The following NRP1 variants were observed in gnomAD, a reference collection of about 807,000 sequenced individuals.
NRP1 encodes the protein neuropilin 1.
NRP1 carries 35 observed loss-of-function variants against 106.7 expected under a neutral mutation model. The observed-to-expected ratio is 0.33, with a 90% CI of 0.25 to 0.43. NRP1 has a LOEUF of 0.43. Among genes scored for constraint, NRP1 ranks in the 20% least tolerant of loss-of-function variants. The pLI is 1.00. For synonymous variants in NRP1, 437 were observed against 417.9 expected (o/e 1.05, Z -0.56); for missense variants, 1,024 against 1,170.4 (o/e 0.87, Z 1.83).
chr10:33,323,616 C>T (rs1251541708), intron 2 of NRP1, among the ~76,000 whole-genome samples: 1 of 152,088 alleles, frequency 6.6e-6, no homozygotes, highest in Non-Finnish European at 1.5e-5. Context: ...ACCCTCCTCT[C>T]AAGGTGCAAC....
intron 16 of NRP1, 50 bp downstream of exon 16, chr10:33,182,648 T>A (rs180978025): frequency 2.3e-5 from 29 of 1,281,764 alleles, no homozygotes; most frequent in Non-Finnish European, 3.1e-5. Flanking sequence ...ATAAACACAA[T>A]GAAAGCCATA....
At chr10:33,257,778 C>T (rs1842298378) in intron 4 of NRP1, among the ~76,000 whole-genome samples, 1 of 152,122 alleles carries the variant, frequency 6.6e-6, no homozygotes, top group Non-Finnish European at 1.5e-5. Context: ...TCTCCATTTC[C>T]CTGTCCTGAT....
chr10:33,206,532 T>G (rs906913193), intron 10 of NRP1, among the ~76,000 whole-genome samples: 4 of 151,982 alleles, frequency 2.6e-5, no homozygotes, highest in Admixed American at 6.6e-5. Context: ...TTATGGTATT[T>G]AATGTGCTCA....
At chr10:33,263,603 C>G in intron 4 of NRP1, 43 bp downstream of exon 4, 11 of 1,477,674 alleles carry the variant, frequency 7.4e-6, no homozygotes, top group Non-Finnish European at 9.4e-6. Flanking sequence ...GGTGCCCTTC[C>G]TCCAGAACCT....
chr10:33,299,795 T>A (rs886128844), intron 2 of NRP1, among the ~76,000 whole-genome samples: 1 of 152,094 alleles, frequency 6.6e-6, no homozygotes, highest in South Asian at 2.1e-4. Context: ...CTAAAAAAAA[T>A]AAACCAATTG....
chr10:33,222,535 A>ATTTATTTATTTATTTATTTT lies in NRP1; in HGVS notation c.1138-673_1138-672insAAAATAAATAAATAAATAAA, dbSNP rs1213013370. On this transcript the variant is annotated intron_variant, in intron 7 of 16. Coordinates refer to ENST00000374867, the MANE Select transcript of NRP1 (RefSeq NM_003873.7). ...TATTTATTTATTTATTTATTTATTT[A>ATTTATTTATTTATTTATTTT]TTTAAGATGGAGTCTCGCTCTGTTA... 3.3e-4 allele frequency among the ~76,000 whole-genome samples: 40 copies of ATTTATTTATTTATTTATTTT among 120,240 alleles called. 1 individual carries two copies. Among genetic ancestry groups the ATTTATTTATTTATTTATTTT allele is most frequent in the Non-Finnish European group, 5.4e-4 (30 of 55,064 alleles). 78.9% of individuals were successfully genotyped at this position (120,240 alleles called of 152,430 possible). A position where few individuals can be genotyped will look rare whatever the true frequency, so the allele number is the denominator to read the frequency against.
chr10:33,259,039 C>A (rs1842397055), intron 4 of NRP1, among the ~76,000 whole-genome samples: 1 of 152,168 alleles, frequency 6.6e-6, no homozygotes, highest in Non-Finnish European at 1.5e-5. Flanking sequence ...CTGACCTCCC[C>A]CAGAATACAA....
chr10:33,294,262 C>T (rs1204180197), intron 2 of NRP1, among the ~76,000 whole-genome samples: 1 of 152,186 alleles, frequency 6.6e-6, no homozygotes, highest in Non-Finnish European at 1.5e-5. Flanking sequence ...ATTTAGCTTC[C>T]TGCAAATGTG....
chr10:33,284,696 A>T (rs1388527283), intron 2 of NRP1, among the ~76,000 whole-genome samples: 3 of 151,544 alleles, frequency 2.0e-5, no homozygotes, highest in Non-Finnish European at 2.9e-5. Context: ...ATTTTTTTTG[A>T]TAGTAATTAG....
intron 2 of NRP1, among the ~76,000 whole-genome samples, chr10:33,273,734 GAATTT>G (rs915472641): frequency 8.5e-5 from 13 of 152,112 alleles, no homozygotes; most frequent in African/African-American, 3.1e-4. Flanking sequence ...TACGTCTGAG[GAATTT>G]AATTCATAAA....
chr10:33,255,089 A>T (rs1464559797), intron 5 of NRP1, among the ~76,000 whole-genome samples: 2 of 152,240 alleles, frequency 1.3e-5, no homozygotes, highest in African/African-American at 4.8e-5. Context: ...ATTAAAGGGA[A>T]GATTCTCAAC....
chr10:33,305,205 T>C (rs916481349), intron 2 of NRP1, among the ~76,000 whole-genome samples: 13 of 152,212 alleles, frequency 8.5e-5, no homozygotes, highest in African/African-American at 3.1e-4. Flanking sequence ...TACAAACATA[T>C]ATAATCTACA....
chr10:33,231,004 T>A (rs1256686267), intron 6 of NRP1, among the ~76,000 whole-genome samples: 1 of 152,122 alleles, frequency 6.6e-6, no homozygotes, highest in Non-Finnish European at 1.5e-5. Flanking sequence ...CTGCTACACC[T>A]CTCTCTTTCC....
At chr10:33,233,248 G>A (rs922537720) in intron 6 of NRP1, among the ~76,000 whole-genome samples, 7 of 152,204 alleles carry the variant, frequency 4.6e-5, no homozygotes, top group African/African-American at 1.2e-4. Context: ...TTCCTGGGTG[G>A]CGAACTCCCA....
intron 12 of NRP1, among the ~76,000 whole-genome samples, chr10:33,195,009 C>T (rs781510140): frequency 7.2e-5 from 11 of 152,180 alleles, no homozygotes; most frequent in Non-Finnish European, 1.3e-4. Flanking sequence ...AGCTAAATCC[C>T]TTCTTGACTC....
intron 8 of NRP1, among the ~76,000 whole-genome samples, chr10:33,219,177 A>T (rs1259981763): frequency 6.6e-6 from 1 of 152,238 alleles, no homozygotes; most frequent in Non-Finnish European, 1.5e-5. Flanking sequence ...CCATTTAGTG[A>T]GCACTTAGTT....
At chr10:33,295,814 T>TA (rs1364010133) in intron 2 of NRP1, among the ~76,000 whole-genome samples, 3 of 152,134 alleles carry the variant, frequency 2.0e-5, no homozygotes, top group African/African-American at 7.2e-5. Context: ...AGCAAATACA[T>TA]AAAAATAAAC....
intron 8 of NRP1, among the ~76,000 whole-genome samples, chr10:33,218,535 T>C (rs1281625669): frequency 1.3e-5 from 2 of 151,890 alleles, no homozygotes. Context: ...TTAGTAGAGA[T>C]GGGGTTTCAC....
intron 10 of NRP1, 33 bp downstream of exon 10, chr10:33,207,539 C>T (rs745560787): frequency 1.2e-5 from 19 of 1,611,624 alleles, no homozygotes; most frequent in East Asian, 4.5e-5. Flanking sequence ...AATTTAAAAA[C>T]GCATGAGAAG....
Sources: allele counts gnomAD v4.1 joint callset (sites outside exome capture counted in the v4.1 genomes callset), GRCh38; gene constraint gnomAD v4.1.1; transcripts MANE v1.5; gene names NCBI Gene and HGNC (gene_info 2026-07-23, HGNC 2026-07-21).